The following SCIN variants were observed in gnomAD, a reference collection of about 807,000 sequenced individuals.
The protein encoded by SCIN is adseverin.
In SCIN, 91 loss-of-function variants were observed where a neutral mutation model predicts 91.8. The observed-to-expected ratio is 0.99, with a 90% CI of 0.84 to 1.18. The LOEUF (loss-of-function observed/expected upper bound fraction) is 1.18. Among genes scored for constraint, SCIN ranks in the 50% most tolerant of loss-of-function variants. SCIN has a pLI of 0.00. For missense variants in SCIN, 1,087 were observed against 863.9 expected, an observed-to-expected ratio of 1.26 and a Z score of -3.24; for synonymous variants, 367 against 312.6, an observed-to-expected ratio of 1.17 and a Z score of -1.84.
intron 10 of SCIN, among the ~76,000 whole-genome samples, chr7:12,636,990 A>T (rs1783765247): frequency 6.6e-6 from 1 of 152,164 alleles, no homozygotes; most frequent in East Asian, 1.9e-4. Flanking sequence ...AGAAAAAGCA[A>T]GGAATAGATT....
At chr7:12,625,904 A>C (rs1783511551) in intron 7 of SCIN, 54 bp downstream of exon 7, 1 of 1,291,666 alleles carries the variant, frequency 7.7e-7, no homozygotes, top group Non-Finnish European at 1.1e-6. Context: ...GGAGCTCATG[A>C]CATCTCCACG....
At chr7:12,645,144 C>T (rs1471759543) in intron 13 of SCIN, among the ~76,000 whole-genome samples, 1 of 151,156 alleles carries the variant, frequency 6.6e-6, no homozygotes, top group Non-Finnish European at 1.5e-5. Flanking sequence ...TATGGTGAAA[C>T]CCCCTCTCTA....
chr7:12,629,289 C>A (rs1783596075), intron 9 of SCIN, 67 bp downstream of exon 9: 1 of 1,456,780 alleles, frequency 6.9e-7, no homozygotes, highest in Non-Finnish European at 9.4e-7. Context: ...GTATTAAATT[C>A]TATGCATTAT....
chr7:12,587,029 T>TG (rs2115221322), intron 3 of SCIN, among the ~76,000 whole-genome samples: 1 of 152,240 alleles, frequency 6.6e-6, no homozygotes, highest in Non-Finnish European at 1.5e-5. Context: ...TGCTATGTGG[T>TG]GAATACAGTT....
chr7:12,636,515 C>T (rs1783755012), intron 10 of SCIN, among the ~76,000 whole-genome samples: 1 of 152,148 alleles, frequency 6.6e-6, no homozygotes, highest in Non-Finnish European at 1.5e-5. Context: ...TCCTAATCCT[C>T]AGGACCTGTG....
At position 12,659,465 on chromosome 7, in the gene SCIN, A is replaced by G. The variant is rs1425291149; in HGVS notation, c.*6750A>G. The G allele has an allele frequency of 6.6e-6, 1 of 152,216 alleles. No homozygotes were observed. Among genetic ancestry groups the G allele is most frequent in the Non-Finnish European group, 1.5e-5 (1 of 68,046 alleles). The allele number at this position is 152,216 out of a possible 1,614,324, so 9.4% of individuals were successfully genotyped here. On this transcript the variant is annotated 3_prime_UTR_variant, in exon 16 of 16. Coordinates refer to ENST00000297029, the MANE Select transcript of SCIN (RefSeq NM_001112706.3). ...AACTGGTGATGCCTGAAGTTGGGAT[A>G]AAGAGTCTTCCAAACATGTGCCATT...
chr7:12,602,560 AC>A (rs1162547016), intron 3 of SCIN, among the ~76,000 whole-genome samples: 2 of 152,066 alleles, frequency 1.3e-5, no homozygotes, highest in Non-Finnish European at 2.9e-5. Context: ...CATAAGACAG[AC>A]ACTCCCAGAG....
At chr7:12,628,029 G>A (rs1013681038) in intron 8 of SCIN, among the ~76,000 whole-genome samples, 6 of 68,758 alleles carry the variant, frequency 8.7e-5, no homozygotes, top group East Asian at 8.3e-4. Context: ...GCAAGTGTGC[G>A]CGCGTGTGTG....
Position 12,636,085 on chromosome 7 carries a change from G to A in SCIN, c.1360G>A (p.Ala454Thr), listed in dbSNP as rs745660994. 11 of 1,613,092 alleles carry A rather than the reference G, an allele frequency of 6.8e-6. No individual in the cohort carries two copies. In the African/African-American group the frequency reaches 1.1e-4, roughly 16 times the overall value. Residue 454 changes from alanine to threonine, a missense_variant, in exon 10 of 16, where the codon GCG becomes ACG. Physicochemically the swap from Ala to Thr is moderately conservative, Grantham distance 58. Transcript: ENST00000297029. Reference protein sequence around the residue: ...NATRDELTTSAFLTVQLDRSL... With the variant: ...NATRDELTTSTFLTVQLDRSL... ...CACACGAGATGAGCTGACAACATCT[G>A]CGTTCCTGACTGTTCAGTTGGATCG...
chr7:12,606,789 G>T (rs947486783), intron 4 of SCIN, among the ~76,000 whole-genome samples: 5 of 151,830 alleles, frequency 3.3e-5, no homozygotes, highest in African/African-American at 1.2e-4. Flanking sequence ...TTTATAATCA[G>T]AAAAAAAGTC....
intron 4 of SCIN, among the ~76,000 whole-genome samples, chr7:12,614,177 C>G (rs1218946871): frequency 6.6e-6 from 1 of 152,210 alleles, no homozygotes; most frequent in Non-Finnish European, 1.5e-5. Context: ...GGCACGACTT[C>G]TCTCATCTTG....
chr7:12,589,145 A>T (rs1782660932), intron 3 of SCIN: 1 of 151,686 alleles, frequency 6.6e-6, no homozygotes, highest in African/African-American at 2.4e-5. Context: ...GAAGGGCAGT[A>T]GCCAGGGTGC....
At chr7:12,644,765 C>T in intron 13 of SCIN, 60 bp downstream of exon 13, 2 of 1,520,476 alleles carry the variant, frequency 1.3e-6, no homozygotes, top group Non-Finnish European at 1.8e-6. Flanking sequence ...CCTGTAATCC[C>T]AGCACTTTGG....
At chr7:12,605,280 A>C (rs893478494) in intron 4 of SCIN, among the ~76,000 whole-genome samples, 2 of 151,986 alleles carry the variant, frequency 1.3e-5, no homozygotes, top group African/African-American at 4.8e-5. Flanking sequence ...TGATCCCCTG[A>C]CCTTGTGATC....
intron 9 of SCIN, among the ~76,000 whole-genome samples, chr7:12,631,503 T>A (rs922340634): frequency 6.6e-6 from 1 of 152,122 alleles, no homozygotes; most frequent in African/African-American, 2.4e-5. Flanking sequence ...GATGGGGCAT[T>A]TAAGAGGTGA....
chr7:12,591,756 T>G (rs2115230684), intron 3 of SCIN, among the ~76,000 whole-genome samples: 1 of 152,196 alleles, frequency 6.6e-6, no homozygotes, highest in South Asian at 2.1e-4. Context: ...AGGATTTCGC[T>G]TTTGGAGGAG....
At chr7:12,581,319 A>T in intron 3 of SCIN, 98 bp downstream of exon 3, 1 of 1,287,902 alleles carries the variant, frequency 7.8e-7, no homozygotes, top group Non-Finnish European at 1.1e-6. Flanking sequence ...CTTTTTCTAC[A>T]CACCAGAAAG....
chr7:12,630,546 G>A (rs1484551119), intron 9 of SCIN, among the ~76,000 whole-genome samples: 4 of 152,118 alleles, frequency 2.6e-5, no homozygotes, highest in South Asian at 4.1e-4. Flanking sequence ...AACCACCACC[G>A]CACCCAGAAC....
chr7:12,570,820 C>G lies in SCIN; in HGVS notation c.34C>G (p.Arg12Gly), dbSNP rs1370856403. The part of the protein sequence containing the change: ...ARELYHEEFA[R>G]AGKQAGLQVW... ...GGAGCTATACCACGAAGAGTTCGCCCGGGCGGGCAAGCAGGCGGGGCTGCA... is the reference window on the plus strand; with the variant it reads ...GGAGCTATACCACGAAGAGTTCGCCGGGGCGGGCAAGCAGGCGGGGCTGCA... The change falls in exon 1 of 16, where the codon CGG (arginine) becomes GGG (glycine). Residue 12 changes from arginine to glycine, a missense_variant. By Grantham distance (125) the Arg-to-Gly change is moderately radical. Coordinates refer to ENST00000297029, the MANE Select transcript of SCIN (RefSeq NM_001112706.3). The G allele has an allele frequency of 6.4e-7, 1 of 1,551,344 alleles. No individual in the cohort carries two copies. The highest frequency in any genetic ancestry group is 8.7e-7 in the Non-Finnish European group (1 of 1,146,952).
Sources: allele counts gnomAD v4.1 joint callset (sites outside exome capture counted in the v4.1 genomes callset), GRCh38; gene constraint gnomAD v4.1.1; transcripts MANE v1.5; gene names NCBI Gene and HGNC (gene_info 2026-07-23, HGNC 2026-07-21).